Variants in TBC1D12 observed in about 807,000 individuals in gnomAD.
The protein encoded by TBC1D12 is TBC1 domain family, member 12.
In TBC1D12, 56 loss-of-function variants were observed where a neutral mutation model predicts 86.7. The ratio of observed to expected loss-of-function variants is 0.65; its 90% CI spans 0.52 to 0.81. The LOEUF (loss-of-function observed/expected upper bound fraction) is 0.81, where lower values mean the gene tolerates loss of function less well. Ranked by LOEUF, TBC1D12 falls within the 30% of genes least tolerant of loss-of-function variation. The pLI, the probability that TBC1D12 is intolerant of heterozygous loss-of-function variation, is 0.00. For synonymous variants in TBC1D12, 421 were observed against 411.7 expected, an observed-to-expected ratio of 1.02 and a Z score of -0.27; for missense variants, 1,023 against 1,038.8, an observed-to-expected ratio of 0.98 and a Z score of 0.21.
rs1171606934 is a variant in TBC1D12, at chr10:94,476,502, C to T, written c.1211+1719C>T. 2.6e-5 allele frequency among the ~76,000 whole-genome samples: 4 copies of T among 152,080 alleles called. No individual in the cohort carries two copies. The East Asian group carries it at 7.7e-4, about 29-fold the overall frequency. On this transcript the variant is annotated intron_variant, in intron 3 of 12. Transcript: ENST00000225235. ...ATGAACCAGGCCAATTCAAAGATTC[C>T]TTTCTTGGTGGAGACATTTATAGGA...
intron 3 of TBC1D12, among the ~76,000 whole-genome samples, chr10:94,486,478 C>T (rs1240971078): frequency 2.0e-5 from 3 of 151,176 alleles, no homozygotes; most frequent in Non-Finnish European, 3.0e-5. Context: ...TGCTGTATCT[C>T]GTAGGTTTTG....
At chr10:94,515,648 C>T (rs184941793) in intron 9 of TBC1D12, among the ~76,000 whole-genome samples, 120 of 152,258 alleles carry the variant, frequency 7.9e-4, no homozygotes, top group Non-Finnish European at 1.3e-3. Context: ...CCTGCCCGGC[C>T]TATGTAGGGT....
At chr10:94,408,612 A>G (rs2054887915) in intron 1 of TBC1D12, among the ~76,000 whole-genome samples, 1 of 152,150 alleles carries the variant, frequency 6.6e-6, no homozygotes, top group African/African-American at 2.4e-5. Flanking sequence ...TTTTCCACCT[A>G]GAATTTGTGC....
intron 2 of TBC1D12, among the ~76,000 whole-genome samples, chr10:94,465,356 G>A (rs957603065): frequency 2.6e-5 from 4 of 152,102 alleles, no homozygotes; most frequent in Non-Finnish European, 5.9e-5. Context: ...TTAAATATAT[G>A]GTGGCATAGG....
intron 3 of TBC1D12, among the ~76,000 whole-genome samples, chr10:94,485,638 A>AT (rs2056149937): frequency 7.0e-6 from 1 of 142,572 alleles, no homozygotes; most frequent in South Asian, 2.2e-4. Context: ...TCCCTCCTCT[A>AT]TTTTTTGCAG....
intron 1 of TBC1D12, among the ~76,000 whole-genome samples, chr10:94,416,991 T>TA (rs1205839302): frequency 6.6e-6 from 1 of 152,208 alleles, no homozygotes; most frequent in African/African-American, 2.4e-5. Flanking sequence ...AGGTTGGGTC[T>TA]AAATTATGGG....
chr10:94,422,493 C>T (rs1164325956), intron 1 of TBC1D12, among the ~76,000 whole-genome samples: 1 of 151,492 alleles, frequency 6.6e-6, no homozygotes, highest in African/African-American at 2.4e-5. Flanking sequence ...CGGCTGGGTT[C>T]ATGTAGTTTT....
chr10:94,431,911 A>G (rs569051061), intron 1 of TBC1D12, among the ~76,000 whole-genome samples: 6 of 152,246 alleles, frequency 3.9e-5, no homozygotes, highest in African/African-American at 9.6e-5. Context: ...CCTCCCTTCA[A>G]CACGAACAAC....
At position 94,533,212 on chromosome 10, in the gene TBC1D12, G is replaced by A; in HGVS notation, c.*116G>A. 7.1e-6 allele frequency: 4 copies of A among 561,928 alleles called. No individual in the cohort carries two copies. The highest frequency in any genetic ancestry group is 2.6e-5 in the South Asian group (1 of 37,970). 34.8% of individuals were successfully genotyped at this position (561,928 alleles called of 1,614,324 possible). A position where few individuals can be genotyped will look rare whatever the true frequency, so the allele number is the denominator to read the frequency against. On this transcript the variant is annotated 3_prime_UTR_variant, in exon 13 of 13. Coordinates refer to ENST00000225235, the MANE Select transcript of TBC1D12 (RefSeq NM_015188.2). ...TTGGAGATACCTAAAAGAATCAAGA[G>A]GTGGAAAACTGCTGATTTTACATTT...
At chr10:94,497,606 G>A (rs533347963) in intron 5 of TBC1D12, among the ~76,000 whole-genome samples, 6 of 138,104 alleles carry the variant, frequency 4.3e-5, no homozygotes, top group East Asian at 2.3e-4. Flanking sequence ...TGCAAGCTCC[G>A]CCTCCCGGGT....
At chr10:94,407,176 G>A (rs781662552) in intron 1 of TBC1D12, among the ~76,000 whole-genome samples, 42 of 152,316 alleles carry the variant, frequency 2.8e-4, no homozygotes, top group Non-Finnish European at 5.1e-4. Context: ...GGAAAAACAG[G>A]AATTCATTTA....
chr10:94,442,074 T>TA, intron 2 of TBC1D12, 55 bp downstream of exon 2: 2 of 1,468,336 alleles, frequency 1.4e-6, no homozygotes, highest in Non-Finnish European at 1.8e-6. Context: ...ATTCTTCTTC[T>TA]TCTTCTTCTT....
intron 5 of TBC1D12, 69 bp from the exon 6 acceptor site, chr10:94,500,152 T>C: frequency 7.3e-7 from 1 of 1,369,070 alleles, no homozygotes; most frequent in Non-Finnish European, 1.0e-6. Context: ...CTAAAGATAA[T>C]CCATCATGCA....
chr10:94,512,954 A>G (rs1179202454), intron 9 of TBC1D12, among the ~76,000 whole-genome samples: 1 of 152,100 alleles, frequency 6.6e-6, no homozygotes, highest in Non-Finnish European at 1.5e-5. Flanking sequence ...TTTTCTAAAA[A>G]TGTCCCCAGG....
chr10:94,495,375 C>T (rs2056301794), intron 4 of TBC1D12, among the ~76,000 whole-genome samples: 1 of 152,052 alleles, frequency 6.6e-6, no homozygotes, highest in Non-Finnish European at 1.5e-5. Flanking sequence ...CTCTATGTTG[C>T]CCAGGCTGGT....
chr10:94,514,646 C>G (rs889649768), intron 9 of TBC1D12, among the ~76,000 whole-genome samples: 1 of 152,182 alleles, frequency 6.6e-6, no homozygotes, highest in Non-Finnish European at 1.5e-5. Context: ...CATACACACA[C>G]TCTCTCATCC....
At chr10:94,422,533 A>G (rs879611330) in intron 1 of TBC1D12, among the ~76,000 whole-genome samples, 1 of 151,378 alleles carries the variant, frequency 6.6e-6, no homozygotes, top group Non-Finnish European at 1.5e-5. Flanking sequence ...AAGCTACCTT[A>G]TTTATTTTTT....
rs1175231014 is a variant in TBC1D12 at position 94,524,900 on chromosome 10, C to T, written c.2000+2447C>T. 3.3e-5 allele frequency among the ~76,000 whole-genome samples: 5 copies of T among 151,708 alleles called. No individual in the cohort carries two copies. The South Asian group carries it at 8.4e-4, about 25-fold the overall frequency. On this transcript the variant is annotated intron_variant, in intron 11 of 12. Transcript: ENST00000225235. ...GGAGTGCAGTGGCGCAATCACAGCTCCTCCCACCTGGAACTCCTGGGCTCA... is the reference window on the plus strand; with the variant it reads ...GGAGTGCAGTGGCGCAATCACAGCTTCTCCCACCTGGAACTCCTGGGCTCA...
rs572446608 is a variant in TBC1D12, at chr10:94,478,652, A to G, written c.1211+3869A>G. Among the ~76,000 whole-genome samples the G allele has an allele frequency of 9.2e-4, 140 of 152,316 alleles. 1 individual carries two copies. In the Middle Eastern group the frequency reaches 0.027, roughly 30 times the overall value. On this transcript the variant is annotated intron_variant, in intron 3 of 12. Transcript: ENST00000225235. ...AATGTAATTGCTTAATCATATACCA[A>G]TAAATCAATGATGGTGCTCTAAAGG...
Sources: allele counts gnomAD v4.1 joint callset (sites outside exome capture counted in the v4.1 genomes callset), GRCh38; gene constraint gnomAD v4.1.1; transcripts MANE v1.5; gene names NCBI Gene and HGNC (gene_info 2026-07-23, HGNC 2026-07-21).